Variants in PAK1 observed in about 807,000 individuals in gnomAD.
The protein encoded by PAK1 is p21 (RAC1) activated kinase 1.
PAK1 carries 29 observed loss-of-function variants against 67.4 expected under a neutral mutation model. The ratio of observed to expected loss-of-function variants is 0.43; its 90% CI spans 0.32 to 0.59. The LOEUF (loss-of-function observed/expected upper bound fraction) is 0.59, where lower values mean the gene tolerates loss of function less well. PAK1 is among the 20% of genes least tolerant of loss of function. The pLI is 0.07. For synonymous variants in PAK1, 223 were observed against 237.4 expected, an observed-to-expected ratio of 0.94 and a Z score of 0.56; for missense variants, 337 against 670.7, an observed-to-expected ratio of 0.50 and a Z score of 5.50.
intron 1 of PAK1, among the ~76,000 whole-genome samples, chr11:77,458,509 G>A (rs925918224): frequency 5.9e-5 from 9 of 152,190 alleles, no homozygotes; most frequent in South Asian, 4.2e-4. Flanking sequence ...ATTTTTGTGC[G>A]TGTGATTCAG....
intron 1 of PAK1, among the ~76,000 whole-genome samples, chr11:77,463,860 G>A (rs1158280154): frequency 6.6e-6 from 1 of 152,076 alleles, no homozygotes; most frequent in Non-Finnish European, 1.5e-5. Flanking sequence ...GTTCCTCTAT[G>A]TTGAGGTAAA....
At chr11:77,420,466 T>G (rs1250300339) in intron 1 of PAK1, among the ~76,000 whole-genome samples, 1 of 152,188 alleles carries the variant, frequency 6.6e-6, no homozygotes, top group East Asian at 1.9e-4. Context: ...AAGTCAAAAC[T>G]CTGTTCCTCC....
At position 77,335,970 on chromosome 11, in the gene PAK1, T is replaced by C. The variant is rs766318138; in HGVS notation, c.1413+116A>G. The C allele has an allele frequency of 2.6e-4, 154 of 584,154 alleles. 1 individual carries two copies. Among genetic ancestry groups the C allele is most frequent in the South Asian group, 1.2e-4 (4 of 33,888 alleles). 36.2% of individuals were successfully genotyped at this position (584,154 alleles called of 1,614,324 possible). ...ATACTTTAAGTTCAACAGTGACTAGTTGTATCCAGAAAAGGGATCTCCAGG... is the reference window on the plus strand; with the variant it reads ...ATACTTTAAGTTCAACAGTGACTAGCTGTATCCAGAAAAGGGATCTCCAGG... On this transcript the variant is annotated intron_variant, in intron 13 of 14. Coordinates refer to ENST00000356341, the MANE Select transcript of PAK1 (RefSeq NM_002576.5).
At chr11:77,409,127 C>T (rs1268962831) in intron 1 of PAK1, among the ~76,000 whole-genome samples, 4 of 151,974 alleles carry the variant, frequency 2.6e-5, no homozygotes, top group Non-Finnish European at 5.9e-5. Context: ...TTTTTATTAG[C>T]CAGGCATGCT....
chr11:77,522,805 G>C, the PAK1 span, among the ~76,000 whole-genome samples: 1 of 152,060 alleles, frequency 6.6e-6, no homozygotes, highest in South Asian at 2.1e-4. Flanking sequence ...CAATAGCAAA[G>C]ACATGAAATC....
the PAK1 span, among the ~76,000 whole-genome samples, chr11:77,507,631 C>T: frequency 6.6e-6 from 1 of 152,112 alleles, no homozygotes; most frequent in Admixed American, 6.5e-5. Flanking sequence ...AAGCAATCCT[C>T]CCAACTCAGC....
chr11:77,495,771 A>C, the PAK1 span, among the ~76,000 whole-genome samples: 25 of 152,348 alleles, frequency 1.6e-4, no homozygotes, highest in African/African-American at 6.0e-4. Flanking sequence ...TATTATGCTA[A>C]GTGAAATAAG....
At chr11:77,413,432 A>G (rs913112595) in intron 1 of PAK1, among the ~76,000 whole-genome samples, 2 of 152,178 alleles carry the variant, frequency 1.3e-5, no homozygotes, top group Non-Finnish European at 2.9e-5. Flanking sequence ...ATGGTGAAAG[A>G]AGTCAGTGAC....
chr11:77,400,631 C>T (rs1315611433), intron 1 of PAK1, among the ~76,000 whole-genome samples: 2 of 152,116 alleles, frequency 1.3e-5, no homozygotes, highest in Non-Finnish European at 2.9e-5. Context: ...TTCCACACTG[C>T]CTAAGAGAGT....
chr11:77,468,981 G>C (rs922560755), intron 1 of PAK1, among the ~76,000 whole-genome samples: 1 of 152,058 alleles, frequency 6.6e-6, no homozygotes, highest in Admixed American at 6.5e-5. Context: ...ATCCAGGAAA[G>C]ATGTTATTTT....
chr11:77,472,147 C>T (rs1957888416), intron 1 of PAK1, among the ~76,000 whole-genome samples: 1 of 152,166 alleles, frequency 6.6e-6, no homozygotes, highest in African/African-American at 2.4e-5. Context: ...TCTCCGAACT[C>T]CAGTAATGTT....
At chr11:77,330,452 G>A (rs1432815382) in intron 14 of PAK1, among the ~76,000 whole-genome samples, 1 of 152,026 alleles carries the variant, frequency 6.6e-6, no homozygotes, top group Non-Finnish European at 1.5e-5. Context: ...GACCAATGGA[G>A]CAGAACAGAG....
At chr11:77,457,126 A>C (rs1332782608) in intron 1 of PAK1, among the ~76,000 whole-genome samples, 1 of 152,228 alleles carries the variant, frequency 6.6e-6, no homozygotes, top group Non-Finnish European at 1.5e-5. Context: ...GCCAGATCAC[A>C]GTCAGGAAAT....
At chr11:77,509,228 A>C in the PAK1 span, among the ~76,000 whole-genome samples, 1 of 151,866 alleles carries the variant, frequency 6.6e-6, no homozygotes, top group Admixed American at 6.5e-5. Context: ...ACTGCACTCC[A>C]GCCTGGGCGA....
chr11:77,478,042 C>T (rs974787585), upstream of PAK1, among the ~76,000 whole-genome samples: 3 of 152,198 alleles, frequency 2.0e-5, no homozygotes, highest in South Asian at 2.1e-4. Context: ...TAGGATGCTA[C>T]GTAAGCTATT....
At chr11:77,338,193 T>A (rs1943036190) in intron 11 of PAK1, among the ~76,000 whole-genome samples, 1 of 152,284 alleles carries the variant, frequency 6.6e-6, no homozygotes, top group East Asian at 1.9e-4. Flanking sequence ...TCAGATGAGA[T>A]CATCTCAGCT....
At chr11:77,330,605 C>T (rs1169960456) in intron 14 of PAK1, among the ~76,000 whole-genome samples, 1 of 152,138 alleles carries the variant, frequency 6.6e-6, no homozygotes, top group Non-Finnish European at 1.5e-5. Flanking sequence ...AAACTGGATC[C>T]CTTCCTTACA....
intron 1 of PAK1, among the ~76,000 whole-genome samples, chr11:77,411,010 C>T (rs1280271406): frequency 6.6e-6 from 1 of 152,050 alleles, no homozygotes; most frequent in African/African-American, 2.4e-5. Flanking sequence ...ATTAACATAC[C>T]TTGACCTTCT....
chr11:77,480,294 T>TA, the PAK1 span, among the ~76,000 whole-genome samples: 1,823 of 150,912 alleles, frequency 0.012, 18 homozygotes, highest in Non-Finnish European at 0.02. Context: ...CTTTTTTTTT[T>TA]AAAAAAAGTA....
Sources: gnomAD v4.1 joint callset for allele counts (sites outside exome capture counted in the v4.1 genomes callset) on GRCh38, gnomAD v4.1.1 for gene constraint, MANE v1.5 for transcripts, NCBI Gene and HGNC (gene_info 2026-07-23, HGNC 2026-07-21) for gene names.